The following PPM1H variants were observed in gnomAD, a reference collection of about 807,000 sequenced individuals.
PPM1H encodes the protein protein phosphatase, Mg2+/Mn2+ dependent 1H.
Under a neutral mutation model 54.9 loss-of-function variants are expected in PPM1H, and 27 were observed. The observed-to-expected ratio is 0.49, with a 90% confidence interval of 0.36 to 0.68. The LOEUF (loss-of-function observed/expected upper bound fraction) is 0.68, where lower values mean the gene tolerates loss of function less well. PPM1H is among the 30% of genes least tolerant of loss of function. PPM1H has a pLI of 0.00. For synonymous variants in PPM1H, 305 were observed against 270.8 expected, an observed-to-expected ratio of 1.13 and a Z score of -1.24; for missense variants, 596 against 667.8, an observed-to-expected ratio of 0.89 and a Z score of 1.19.
chr12:62,788,217 T>C lies in PPM1H; in HGVS notation c.869+9A>G. ...AAATTAGCAAGAATCAGACAGCTCA[T>C]CTGCTTACCTGCTATCCCCAGCATT... On this transcript the variant is annotated intron_variant, in intron 4 of 9. Coordinates refer to ENST00000228705, the MANE Select transcript of PPM1H (RefSeq NM_020700.2). 6.5e-7 allele frequency: 1 copy of C among 1,538,810 alleles called. No homozygotes were observed. Among genetic ancestry groups the C allele is most frequent in the Non-Finnish European group, 8.9e-7 (1 of 1,123,704 alleles).
intron 1 of PPM1H, among the ~76,000 whole-genome samples, chr12:62,928,444 A>G (rs1872038430): frequency 6.6e-6 from 1 of 152,226 alleles, no homozygotes. Flanking sequence ...CATGGTCAGT[A>G]GGAAACACAG....
intron 1 of PPM1H, among the ~76,000 whole-genome samples, chr12:62,891,692 A>C (rs936258497): frequency 6.6e-6 from 1 of 152,092 alleles, no homozygotes. Context: ...AATAACTAAG[A>C]CTCATATCTT....
chr12:62,742,173 A>G (rs533871640), intron 4 of PPM1H, among the ~76,000 whole-genome samples: 3 of 152,252 alleles, frequency 2.0e-5, no homozygotes, highest in Non-Finnish European at 4.4e-5. Context: ...TTCCATTACA[A>G]TATGACTGCC....
chr12:62,801,731 T>C (rs1216680415), intron 3 of PPM1H, 85 bp downstream of exon 3: 7 of 1,455,278 alleles, frequency 4.8e-6, no homozygotes, highest in Non-Finnish European at 6.5e-6. Flanking sequence ...ACCGTGCGCT[T>C]TCTGGGAGCC....
At chr12:62,836,784 A>T (rs1156743746) in intron 1 of PPM1H, among the ~76,000 whole-genome samples, 3 of 152,246 alleles carry the variant, frequency 2.0e-5, no homozygotes, top group Non-Finnish European at 4.4e-5. Flanking sequence ...TACCCAGTTT[A>T]TTCAACTCTT....
At chr12:62,751,431 C>T (rs189651016) in intron 4 of PPM1H, among the ~76,000 whole-genome samples, 29 of 152,308 alleles carry the variant, frequency 1.9e-4, no homozygotes, top group Middle Eastern at 3.4e-3. Flanking sequence ...CGCTTTCACG[C>T]ATTTAAAATG....
intron 4 of PPM1H, among the ~76,000 whole-genome samples, chr12:62,750,743 T>G (rs2076438606): frequency 6.6e-6 from 1 of 152,322 alleles, no homozygotes; most frequent in African/African-American, 2.4e-5. Flanking sequence ...GTTTTAGAAC[T>G]TTCTCTTAAA....
intron 4 of PPM1H, among the ~76,000 whole-genome samples, chr12:62,751,424 T>C (rs163682): frequency 0.73 from 110,433 of 152,178 alleles, 40,778 homozygotes; most frequent in African/African-American, 0.86. Context: ...TCACACTCGC[T>C]TTCACGCATT....
At chr12:62,896,086 C>A (rs1490017003) in intron 1 of PPM1H, among the ~76,000 whole-genome samples, 7 of 152,176 alleles carry the variant, frequency 4.6e-5, no homozygotes, top group African/African-American at 1.7e-4. Flanking sequence ...AATGTCTATT[C>A]CCTTTGTGTT....
intron 8 of PPM1H, among the ~76,000 whole-genome samples, chr12:62,668,758 T>C (rs2075936148): frequency 6.6e-6 from 1 of 152,236 alleles, no homozygotes; most frequent in African/African-American, 2.4e-5. Context: ...CATTGTTATG[T>C]CACCTCAGAT....
At position 62,877,507 on chromosome 12, in the gene PPM1H, C is replaced by T. The variant is rs377478750; in HGVS notation, c.246-45228G>A. 4.0e-5 allele frequency among the ~76,000 whole-genome samples: 6 copies of T among 151,894 alleles called. No individual in the cohort carries two copies. The East Asian group carries it at 7.7e-4, about 20-fold the overall frequency. On this transcript the variant is annotated intron_variant, in intron 1 of 9. Transcript: ENST00000228705. ...GCGATACGGTAATAGTAATTAACAT[C>T]AGTTGAGCTTACCAACTCTGCTGAA...
intron 1 of PPM1H, among the ~76,000 whole-genome samples, chr12:62,840,491 T>C (rs1198752666): frequency 6.6e-6 from 1 of 152,130 alleles, no homozygotes; most frequent in Admixed American, 6.5e-5. Context: ...ACTCAAGGCC[T>C]ATGTCGCAAG....
At chr12:62,891,547 C>T (rs1357431483) in intron 1 of PPM1H, among the ~76,000 whole-genome samples, 1 of 152,222 alleles carries the variant, frequency 6.6e-6, no homozygotes, top group African/African-American at 2.4e-5. Context: ...AACTCAGATG[C>T]TAATGTCCAT....
intron 4 of PPM1H, 59 bp from the exon 5 acceptor site, chr12:62,737,645 C>A (rs1036522744): frequency 3.4e-5 from 42 of 1,241,984 alleles, no homozygotes; most frequent in Non-Finnish European, 4.2e-5. Flanking sequence ...GATTCTGTTA[C>A]AACCATTGCT....
chr12:62,770,231 G>A (rs1490408776), intron 4 of PPM1H, among the ~76,000 whole-genome samples: 2 of 152,020 alleles, frequency 1.3e-5, no homozygotes, highest in Non-Finnish European at 2.9e-5. Context: ...CAGGAACTGT[G>A]CTTAACATTT....
chr12:62,795,209 A>G (rs2076725464), intron 3 of PPM1H, among the ~76,000 whole-genome samples: 1 of 151,758 alleles, frequency 6.6e-6, no homozygotes, highest in Non-Finnish European at 1.5e-5. Flanking sequence ...CATTGGAAGC[A>G]TTTTTTTCTC....
intron 4 of PPM1H, among the ~76,000 whole-genome samples, chr12:62,750,257 G>A (rs2076435037): frequency 6.6e-6 from 1 of 152,160 alleles, no homozygotes; most frequent in Non-Finnish European, 1.5e-5. Context: ...CCTATACCCT[G>A]TACTTTTTAG....
At chr12:62,931,200 C>T (rs1015826626) in intron 1 of PPM1H, among the ~76,000 whole-genome samples, 4 of 152,184 alleles carry the variant, frequency 2.6e-5, no homozygotes, top group African/African-American at 7.2e-5. Flanking sequence ...AGGCTTGGAA[C>T]GTGACTCACT....
intron 1 of PPM1H, among the ~76,000 whole-genome samples, chr12:62,867,652 A>G (rs1447756655): frequency 7.8e-6 from 1 of 127,556 alleles, no homozygotes; most frequent in Non-Finnish European, 1.5e-5. Flanking sequence ...ATCTCGGCTC[A>G]CTGCAAGCTC....
Sources: gnomAD v4.1 joint callset for allele counts (sites outside exome capture counted in the v4.1 genomes callset) on GRCh38, gnomAD v4.1.1 for gene constraint, MANE v1.5 for transcripts, NCBI Gene and HGNC (gene_info 2026-07-23, HGNC 2026-07-21) for gene names.